Variants in CACHD1 observed in about 807,000 individuals in gnomAD.
CACHD1 encodes the protein cache domain containing 1.
Under a neutral mutation model 138.7 loss-of-function variants are expected in CACHD1, and 71 were observed. That is an observed-to-expected ratio of 0.51 (90% CI 0.42 to 0.62). CACHD1 has a LOEUF of 0.62. Among genes scored for constraint, CACHD1 ranks in the 20% least tolerant of loss-of-function variants. The pLI is 0.00. For missense variants in CACHD1, 1,389 were observed against 1,625.3 expected (o/e 0.85, Z 2.50); for synonymous variants, 578 against 591.5 (o/e 0.98, Z 0.33).
chr1:64,649,577 TAAGAGAA>T (rs1258139234), intron 9 of CACHD1, among the ~76,000 whole-genome samples: 26 of 152,300 alleles, frequency 1.7e-4, no homozygotes, highest in African/African-American at 6.0e-4. Context: ...GTAAGTCTGA[TAAGAGAA>T]AGACAAATCA....
chr1:64,514,345 A>T (rs1646443471), intron 1 of CACHD1, among the ~76,000 whole-genome samples: 1 of 152,222 alleles, frequency 6.6e-6, no homozygotes, highest in Non-Finnish European at 1.5e-5. Context: ...GGAGTTAAAG[A>T]GGCCAAAAAT....
chr1:64,675,692 G>T, intron 20 of CACHD1, 131 bp downstream of exon 20: 1 of 1,122,404 alleles, frequency 8.9e-7, no homozygotes, highest in Non-Finnish European at 1.3e-6. Context: ...CAGTTACAAA[G>T]CCACTTAGAG....
chr1:64,654,088 T>C (rs1649189113), intron 11 of CACHD1, among the ~76,000 whole-genome samples: 1 of 152,246 alleles, frequency 6.6e-6, no homozygotes, highest in African/African-American at 2.4e-5. Context: ...GAACTATTAT[T>C]TGACGATAAT....
chr1:64,612,539 A>G (rs1419489741), intron 4 of CACHD1, among the ~76,000 whole-genome samples: 1 of 152,220 alleles, frequency 6.6e-6, no homozygotes, highest in African/African-American at 2.4e-5. Context: ...TAGTATATAG[A>G]ACAATACTCA....
intron 4 of CACHD1, among the ~76,000 whole-genome samples, chr1:64,627,566 G>A (rs1426825358): frequency 6.6e-6 from 1 of 152,088 alleles, no homozygotes; most frequent in East Asian, 1.9e-4. Flanking sequence ...GAAGAGGCGG[G>A]CACATGACTG....
chr1:64,490,329 A>C (rs1420433807), intron 1 of CACHD1, among the ~76,000 whole-genome samples: 1 of 152,112 alleles, frequency 6.6e-6, no homozygotes, highest in African/African-American at 2.4e-5. Context: ...CAAGCCTAGG[A>C]TTTGTTGGCT....
intron 5 of CACHD1, among the ~76,000 whole-genome samples, chr1:64,631,604 C>T (rs1356707746): frequency 6.6e-6 from 1 of 152,118 alleles, no homozygotes; most frequent in African/African-American, 2.4e-5. Flanking sequence ...GGAGAGAATT[C>T]TCTTGAGGCT....
In CACHD1 at chr1:64,691,676, G is replaced by A; in HGVS notation, c.*115G>A. 1 of 908,878 alleles carries A rather than the reference G, an allele frequency of 1.1e-6. No individual in the cohort carries two copies. The highest frequency in any genetic ancestry group is 1.7e-6 in the Non-Finnish European group (1 of 594,000). The allele number at this position is 908,878 out of a possible 1,614,324, so 56.3% of individuals were successfully genotyped here. A position where few individuals can be genotyped will look rare whatever the true frequency, so the allele number is the denominator to read the frequency against. On this transcript the variant is annotated 3_prime_UTR_variant, in exon 27 of 27. Coordinates refer to ENST00000651257, the MANE Select transcript of CACHD1 (RefSeq NM_020925.4). ...GACCTCCCTTGTGTTTGTGCTTTGT[G>A]CAGAGTTGTTTGAGTCATTTCCTGC...
chr1:64,584,761 T>A (rs918944399), intron 3 of CACHD1, among the ~76,000 whole-genome samples: 2 of 152,176 alleles, frequency 1.3e-5, no homozygotes, highest in African/African-American at 2.4e-5. Flanking sequence ...ATACTATTTG[T>A]TGGAATCTGA....
At chr1:64,651,455 T>G (rs924861540) in intron 9 of CACHD1, among the ~76,000 whole-genome samples, 1 of 152,158 alleles carries the variant, frequency 6.6e-6, no homozygotes, top group Non-Finnish European at 1.5e-5. Context: ...TGATCTAACA[T>G]TTCCTAGAAA....
At chr1:64,557,167 A>G (rs1222208718) in intron 2 of CACHD1, among the ~76,000 whole-genome samples, 1 of 151,934 alleles carries the variant, frequency 6.6e-6, no homozygotes, top group Non-Finnish European at 1.5e-5. Flanking sequence ...AGGGTATTAT[A>G]TAAAGTTGAA....
At chr1:64,665,203 C>T (rs1432816413) in intron 15 of CACHD1, among the ~76,000 whole-genome samples, 1 of 152,038 alleles carries the variant, frequency 6.6e-6, no homozygotes, top group Non-Finnish European at 1.5e-5. Flanking sequence ...ACCTGTAACC[C>T]TAGCACTTTG....
intron 1 of CACHD1, among the ~76,000 whole-genome samples, chr1:64,473,643 T>C (rs1646158578): frequency 6.6e-6 from 1 of 152,232 alleles, no homozygotes; most frequent in African/African-American, 2.4e-5. Flanking sequence ...GATTGACTCC[T>C]TTCATTTGAC....
chr1:64,500,845 C>T (rs573360466), intron 1 of CACHD1, among the ~76,000 whole-genome samples: 43 of 151,642 alleles, frequency 2.8e-4, no homozygotes, highest in Non-Finnish European at 5.6e-4. Flanking sequence ...CTCAGGAGTT[C>T]GAGACCTGCT....
chr1:64,616,555 G>A (rs1006585274), intron 4 of CACHD1, among the ~76,000 whole-genome samples: 1 of 152,278 alleles, frequency 6.6e-6, no homozygotes, highest in East Asian at 1.9e-4. Context: ...ATGCAGAATG[G>A]ATCATTGTTT....
intron 4 of CACHD1, among the ~76,000 whole-genome samples, chr1:64,621,639 C>G (rs1438182099): frequency 2.0e-5 from 3 of 152,080 alleles, no homozygotes; most frequent in Non-Finnish European, 4.4e-5. Context: ...CAGGCAAAAC[C>G]TGAAGGATTA....
At chr1:64,473,932 A>G (rs1442504479) in intron 1 of CACHD1, among the ~76,000 whole-genome samples, 1 of 152,190 alleles carries the variant, frequency 6.6e-6, no homozygotes, top group Non-Finnish European at 1.5e-5. Flanking sequence ...TTCTTTTAGC[A>G]CTATAGTTTC....
intron 1 of CACHD1, among the ~76,000 whole-genome samples, chr1:64,474,218 C>T (rs1449047703): frequency 6.6e-6 from 1 of 152,198 alleles, no homozygotes; most frequent in Non-Finnish European, 1.5e-5. Context: ...ATCATCTCCT[C>T]ATGGGTCTGG....
Position 64,580,831 on chromosome 1 carries a change from G to C in CACHD1, c.262-1325G>C, listed in dbSNP as rs553168475. On this transcript the variant is annotated intron_variant, in intron 2 of 26. Transcript: ENST00000651257. ...GTGACAATCAAAATTTTCTCCAAAT[G>C]TCCCCTGAGGGTGGCAAAACCAACA... is the stretch of plus-strand genomic sequence containing the variant. 4.6e-5 allele frequency among the ~76,000 whole-genome samples: 7 copies of C among 152,220 alleles called. No homozygotes were observed. In the South Asian group the frequency reaches 1.5e-3, roughly 32 times the overall value.
Sources: allele counts gnomAD v4.1 joint callset (sites outside exome capture counted in the v4.1 genomes callset), GRCh38; gene constraint gnomAD v4.1.1; transcripts MANE v1.5; gene names NCBI Gene and HGNC (gene_info 2026-07-23, HGNC 2026-07-21).